The following DCHS2 variants were observed in gnomAD, a reference collection of about 807,000 sequenced individuals.
DCHS2 encodes the protein protocadherin-23.
A neutral mutation model predicts 182.4 loss-of-function variants in DCHS2; 142 were observed. That is an observed-to-expected ratio of 0.78 (90% CI 0.68 to 0.89). The LOEUF (loss-of-function observed/expected upper bound fraction) is 0.89, where lower values mean the gene tolerates loss of function less well. DCHS2 is among the 40% of genes least tolerant of loss of function. DCHS2 has a pLI of 0.00. For missense variants in DCHS2, 4,319 were observed against 4,198.6 expected (o/e 1.03, Z -0.79); for synonymous variants, 1,740 against 1,663.3 (o/e 1.05, Z -1.12).
chr4:154,265,476 T>A (rs10015747), intron 14 of DCHS2, among the ~76,000 whole-genome samples: 46,420 of 152,070 alleles, frequency 0.31, 7,695 homozygotes, highest in East Asian at 0.51. Context: ...GGAAAAATTA[T>A]AACCAAAAAT....
rs565826731 is a variant in DCHS2, at chr4:154,408,813, G to A, written c.2053-31369C>T. On this transcript the variant is annotated intron_variant, in intron 1 of 19. Coordinates refer to ENST00000357232, the MANE Select transcript of DCHS2 (RefSeq NM_001358235.2). ...GGAACTAGGAGGTACTTTTTTTTGC[G>A]GAGAAAAAGTAAGCAAGGGGACCCC... 1.8e-3 allele frequency among the ~76,000 whole-genome samples: 279 copies of A among 151,888 alleles called. 1 individual carries two copies. The highest frequency in any genetic ancestry group is 8.7e-3 in the South Asian group (42 of 4,814).
At chr4:154,265,451 A>C (rs1253075751) in intron 14 of DCHS2, among the ~76,000 whole-genome samples, 1 of 152,210 alleles carries the variant, frequency 6.6e-6, no homozygotes, top group Non-Finnish European at 1.5e-5. Context: ...TATTGTTTAG[A>C]AATTCAAATG....
chr4:154,463,692 T>TTCTCTCTCTCTCTC (rs5863102), intron 1 of DCHS2, among the ~76,000 whole-genome samples: 1 of 145,266 alleles, frequency 6.9e-6, no homozygotes, highest in East Asian at 2.0e-4. Context: ...ATTCTCTCTT[T>TTCTCTCTCTCTCTC]TCTCTCTCTC....
intron 13 of DCHS2, among the ~76,000 whole-genome samples, chr4:154,279,636 T>C (rs1720054832): frequency 6.6e-6 from 1 of 151,904 alleles, no homozygotes; most frequent in South Asian, 2.1e-4. Flanking sequence ...GAACTACTGA[T>C]ACATCAAAAG....
intron 1 of DCHS2, among the ~76,000 whole-genome samples, chr4:154,478,249 A>G (rs554841866): frequency 3.9e-4 from 59 of 152,274 alleles, no homozygotes; most frequent in African/African-American, 1.4e-3. Context: ...TAATGATCTG[A>G]ATCTCATTGA....
At chr4:154,417,151 G>T (rs1196479473) in intron 1 of DCHS2, among the ~76,000 whole-genome samples, 2 of 146,534 alleles carry the variant, frequency 1.4e-5, no homozygotes, top group African/African-American at 2.5e-5. Context: ...ACCTCAGGCC[G>T]GTCCCGAGTG....
intron 13 of DCHS2, among the ~76,000 whole-genome samples, chr4:154,270,363 A>G (rs572215979): frequency 6.6e-6 from 1 of 152,146 alleles, no homozygotes; most frequent in South Asian, 2.1e-4. Context: ...CAGGGGAAGC[A>G]CCAGACTTTA....
chr4:154,437,332 A>G (rs1733820583), intron 1 of DCHS2, among the ~76,000 whole-genome samples: 1 of 152,104 alleles, frequency 6.6e-6, no homozygotes, highest in East Asian at 1.9e-4. Context: ...CACTCCTACC[A>G]CTAACCACTC....
At position 154,236,597 on chromosome 4, in the gene DCHS2, A is replaced by G; in HGVS notation, c.8055T>C (p.Thr2685=). The change falls in exon 20 of 20, where the codon ACT becomes ACC. Residue 2685 remains threonine, a synonymous_variant. Transcript: ENST00000357232. The part of the protein sequence containing the change: ...KESTPLGSHI[T]VVSANDRDTG... ...TGTCACGGTCATTTGCTGAGACCAC[A>G]GTGATGTGACTCCCTAGAGGGGTGC... The G allele has an allele frequency of 1.9e-6, 3 of 1,614,054 alleles. No homozygotes were observed. The highest frequency in any genetic ancestry group is 2.5e-6 in the Non-Finnish European group (3 of 1,179,966).
chr4:154,281,549 A>C (rs1007982839), intron 13 of DCHS2, among the ~76,000 whole-genome samples: 5 of 152,196 alleles, frequency 3.3e-5, no homozygotes, highest in African/African-American at 1.2e-4. Context: ...AATAAATGGA[A>C]AACCATTCCA....
intron 14 of DCHS2, among the ~76,000 whole-genome samples, chr4:154,266,783 C>A (rs1733295081): frequency 6.6e-6 from 1 of 152,046 alleles, no homozygotes; most frequent in South Asian, 2.1e-4. Context: ...ATAATTTTGT[C>A]TTTTCATATC....
Position 154,490,653 on chromosome 4 carries a change from G to A in DCHS2, c.703C>T (p.Leu235Phe). 6.4e-7 allele frequency: 1 copy of A among 1,551,418 alleles called. No individual in the cohort carries two copies. Among genetic ancestry groups the A allele is most frequent in the Non-Finnish European group, 8.7e-7 (1 of 1,146,920 alleles). ...YRTPGPLPSP[L>F]LPGSSSPLEP... is the part of the protein sequence containing the mutation. Reference sequence around the variant, plus strand: ...AGGGGTGACGAGGAGCCTGGCAAAAGCGGTGACGGTAGTGGCCCCGGAGTC... The same window carrying A: ...AGGGGTGACGAGGAGCCTGGCAAAAACGGTGACGGTAGTGGCCCCGGAGTC... Residue 235 changes from leucine to phenylalanine, a missense_variant, in exon 1 of 20, where the codon CTT becomes TTT. Transcript: ENST00000357232.
intron 3 of DCHS2, among the ~76,000 whole-genome samples, chr4:154,358,385 C>A (rs1219142367): frequency 6.6e-6 from 1 of 152,142 alleles, no homozygotes; most frequent in East Asian, 1.9e-4. Flanking sequence ...GCAGAAGTTA[C>A]TATAATCAAT....
intron 10 of DCHS2, among the ~76,000 whole-genome samples, chr4:154,312,233 G>A (rs1578950868): frequency 2.0e-5 from 3 of 152,160 alleles, no homozygotes; most frequent in Admixed American, 1.3e-4. Flanking sequence ...CAGTATAATC[G>A]AGGTTGCTGG....
At chr4:154,335,277 GC>G (rs766994060) in intron 3 of DCHS2, 173 bp from the exon 4 acceptor site, 7 of 597,572 alleles carry the variant, frequency 1.2e-5, no homozygotes, top group Admixed American at 5.7e-5. Context: ...CTGTGAGGGT[GC>G]TTTTGGATGA....
intron 1 of DCHS2, among the ~76,000 whole-genome samples, chr4:154,484,997 C>T (rs956022727): frequency 7.9e-5 from 12 of 152,194 alleles, no homozygotes; most frequent in African/African-American, 1.7e-4. Context: ...AGAGAATCCC[C>T]GATCTACTGG....
At chr4:154,453,965 C>A (rs972632187) in intron 1 of DCHS2, among the ~76,000 whole-genome samples, 9 of 152,146 alleles carry the variant, frequency 5.9e-5, no homozygotes, top group African/African-American at 1.9e-4. Flanking sequence ...ATTAATGTGA[C>A]AAATACTAAT....
intron 9 of DCHS2, 71 bp from the exon 10 acceptor site, chr4:154,316,058 T>C (rs1310900800): frequency 3.2e-6 from 5 of 1,572,880 alleles, no homozygotes; most frequent in Non-Finnish European, 3.4e-6. Context: ...ACTCCACTTA[T>C]ATCTAACTTG....
Position 154,320,798 on chromosome 4 carries a change from G to A in DCHS2, c.4601C>T (p.Ala1534Val), listed in dbSNP as rs1736029883. 6.2e-7 allele frequency: 1 copy of A among 1,613,910 alleles called. No individual in the cohort carries two copies. The highest frequency in any genetic ancestry group is 1.7e-5 in the Admixed American group (1 of 59,960). The change falls in exon 9 of 20, where the codon GCC (alanine) becomes GTC (valine). Residue 1534 changes from alanine (A) to valine (V), a missense_variant. Physicochemically the swap from Ala to Val is moderately conservative, Grantham distance 64. Transcript: ENST00000357232. Reference sequence around the variant, plus strand: ...CAAAAAACTGCCGTCATCATCTTTGGCATTGAAGACATACACCAGGGTTCC... The same window carrying A: ...CAAAAAACTGCCGTCATCATCTTTGACATTGAAGACATACACCAGGGTTCC... ...PIGTLVYVFN[A>V]KDDDGSFLNS...
Sources: allele counts gnomAD v4.1 joint callset (sites outside exome capture counted in the v4.1 genomes callset), GRCh38; gene constraint gnomAD v4.1.1; transcripts MANE v1.5; gene names NCBI Gene and HGNC (gene_info 2026-07-23, HGNC 2026-07-21).